TNNI3K: variants seen among roughly 807,000 people sequenced by gnomAD.
TNNI3K encodes TNNI3 interacting kinase.
In TNNI3K, 140 loss-of-function variants were observed where a neutral mutation model predicts 114.5. The observed-to-expected ratio is 1.22, with a 90% confidence interval of 1.07 to 1.41. The LOEUF (loss-of-function observed/expected upper bound fraction) is 1.41. Ranked by LOEUF, TNNI3K falls within the 40% of genes most tolerant of loss-of-function variation. The pLI is 0.00. For synonymous variants in TNNI3K, 347 were observed against 347.5 expected (o/e 1.00, Z 0.02); for missense variants, 1,125 against 1,007.6 (o/e 1.12, Z -1.58).
intron 21 of TNNI3K, among the ~76,000 whole-genome samples, chr1:74,486,453 A>G (rs1668768708): frequency 1.3e-5 from 2 of 151,338 alleles, no homozygotes; most frequent in Non-Finnish European, 2.9e-5. Context: ...AGAGTAAAGT[A>G]TGATAGAGTA....
At chr1:74,319,006 G>A (rs1173510284) in intron 5 of TNNI3K, among the ~76,000 whole-genome samples, 1 of 152,178 alleles carries the variant, frequency 6.6e-6, no homozygotes, top group African/African-American at 2.4e-5. Flanking sequence ...CCAAAACTTT[G>A]TGGCTTAGCA....
chr1:74,421,760 G>T (rs1169788686), intron 17 of TNNI3K, among the ~76,000 whole-genome samples: 1 of 151,922 alleles, frequency 6.6e-6, no homozygotes, highest in Non-Finnish European at 1.5e-5. Context: ...CATTGAGGAA[G>T]GGGATGTGCT....
intron 21 of TNNI3K, chr1:74,483,267 A>G (rs540421066): frequency 8.9e-5 from 64 of 717,374 alleles, no homozygotes; most frequent in African/African-American, 1.6e-4. Context: ...ATTACCTACT[A>G]TATAGGTTAG....
chr1:74,266,183 A>G (rs191630728), intron 4 of TNNI3K, among the ~76,000 whole-genome samples: 18 of 152,160 alleles, frequency 1.2e-4, no homozygotes, highest in Admixed American at 1.2e-3. Flanking sequence ...GAATGGGTTT[A>G]TTCATCAGCT....
intron 5 of TNNI3K, among the ~76,000 whole-genome samples, chr1:74,299,386 C>T (rs1658181325): frequency 6.7e-6 from 1 of 149,472 alleles, no homozygotes; most frequent in South Asian, 2.1e-4. Flanking sequence ...ATTTTGCAAA[C>T]ATATATCAAA....
chr1:74,238,956 C>A (rs2100825108), intron 2 of TNNI3K, among the ~76,000 whole-genome samples: 2 of 152,146 alleles, frequency 1.3e-5, no homozygotes, highest in African/African-American at 4.8e-5. Flanking sequence ...CTTCCAATAA[C>A]CTGAATGTTT....
intron 23 of TNNI3K, among the ~76,000 whole-genome samples, chr1:74,511,926 C>G (rs1670247990): frequency 6.6e-6 from 1 of 152,132 alleles, no homozygotes; most frequent in African/African-American, 2.4e-5. Context: ...AGAGCAGAAG[C>G]TATAGATGAG....
At chr1:74,543,068 T>A (rs1355559225) in intron 24 of TNNI3K, among the ~76,000 whole-genome samples, 1 of 54,390 alleles carries the variant, frequency 1.8e-5, no homozygotes, top group South Asian at 7.2e-4. Context: ...TTTTCCCTTT[T>A]TTTTTTTTTT....
intron 7 of TNNI3K, 124 bp from the exon 8 acceptor site, chr1:74,342,717 TA>T: frequency 7.9e-7 from 1 of 1,260,780 alleles, no homozygotes; most frequent in Non-Finnish European, 1.1e-6. Flanking sequence ...CCTTTATGAT[TA>T]TCATTAACTG....
At chr1:74,380,569 T>C (rs1427860607) in intron 17 of TNNI3K, among the ~76,000 whole-genome samples, 2 of 152,164 alleles carry the variant, frequency 1.3e-5, no homozygotes, top group African/African-American at 4.8e-5. Flanking sequence ...TAACTGGTGG[T>C]GAACTCACTG....
intron 17 of TNNI3K, among the ~76,000 whole-genome samples, chr1:74,395,471 A>T (rs1276850155): frequency 6.6e-6 from 1 of 152,104 alleles, no homozygotes; most frequent in African/African-American, 2.4e-5. Context: ...TATTCAGGAG[A>T]TGATGAAAGT....
Position 74,409,066 on chromosome 1 carries a change from G to A in TNNI3K, c.1773-27014G>A, listed in dbSNP as rs75293663. On this transcript the variant is annotated intron_variant, in intron 17 of 24. Transcript: ENST00000326637. ...CTATCAAATAAAATTACATTGTCAT[G>A]GCACTTTGCAATTTATAAATACTTT... Among the ~76,000 whole-genome samples, 4 of 151,198 alleles carry A rather than the reference G, an allele frequency of 2.6e-5. No homozygotes were observed. The East Asian group carries it at 7.8e-4, about 29-fold the overall frequency.
intron 2 of TNNI3K, among the ~76,000 whole-genome samples, chr1:74,236,630 C>T (rs571228042): frequency 6.6e-6 from 1 of 151,896 alleles, no homozygotes; most frequent in East Asian, 1.9e-4. Context: ...TTTTAACAAA[C>T]CCTCTGGTCT....
intron 11 of TNNI3K, among the ~76,000 whole-genome samples, chr1:74,357,998 A>G (rs1040189820): frequency 6.6e-5 from 10 of 152,118 alleles, no homozygotes; most frequent in Non-Finnish European, 1.2e-4. Context: ...TCTTACATCC[A>G]TTGCATTAAA....
chr1:74,374,772 C>A (rs1414620582), intron 17 of TNNI3K: 1 of 151,924 alleles, frequency 6.6e-6, no homozygotes, highest in Non-Finnish European at 1.5e-5. Context: ...ATGTACCTCT[C>A]TAATTTGCTG....
Position 74,492,090 on chromosome 1 carries a change from C to T in TNNI3K, c.2182-7C>T, listed in dbSNP as rs376405830. On this transcript the variant is annotated splice_polypyrimidine_tract_variant and splice_region_variant and intron_variant, in intron 22 of 24. Coordinates refer to ENST00000326637, the MANE Select transcript of TNNI3K (RefSeq NM_015978.3). ...TAAACAATTGAAATTGCCCCTCCTC[C>T]ACTCAGCTGATGTCTCCTGCATCAA... The T allele has an allele frequency of 1.3e-6, 2 of 1,532,806 alleles. No homozygotes were observed. The highest frequency in any genetic ancestry group is 2.7e-5 in the African/African-American group (2 of 73,668). 95.0% of individuals were successfully genotyped at this position (1,532,806 alleles called of 1,614,324 possible).
intron 6 of TNNI3K, among the ~76,000 whole-genome samples, chr1:74,332,653 A>G (rs1327909790): frequency 6.6e-6 from 1 of 152,134 alleles, no homozygotes; most frequent in Non-Finnish European, 1.5e-5. Context: ...GTGAGGTAGC[A>G]TGCCAGAGTC....
intron 21 of TNNI3K, chr1:74,480,413 T>C: frequency 1.4e-6 from 1 of 717,584 alleles, no homozygotes; most frequent in Non-Finnish European, 2.6e-6. Flanking sequence ...GCAGCTCCAC[T>C]GGTTCTTATC....
At chr1:74,288,979 G>A (rs575115779) in intron 5 of TNNI3K, among the ~76,000 whole-genome samples, 6 of 152,078 alleles carry the variant, frequency 3.9e-5, no homozygotes, top group Admixed American at 1.3e-4. Flanking sequence ...TATATGTGGG[G>A]ATATGGGGAA....
Sources: allele counts gnomAD v4.1 joint callset (sites outside exome capture counted in the v4.1 genomes callset), GRCh38; gene constraint gnomAD v4.1.1; transcripts MANE v1.5; gene names NCBI Gene and HGNC (gene_info 2026-07-23, HGNC 2026-07-21).